The following OLFM2 variants were observed in gnomAD, a reference collection of about 807,000 sequenced individuals.
The protein encoded by OLFM2 is noelin-2.
Under a neutral mutation model 43.9 loss-of-function variants are expected in OLFM2, and 20 were observed. The observed-to-expected ratio is 0.46, with a 90% CI of 0.32 to 0.66. The LOEUF (loss-of-function observed/expected upper bound fraction) is 0.66, where lower values mean the gene tolerates loss of function less well. OLFM2 is among the 30% of genes least tolerant of loss of function. The pLI, the probability that OLFM2 is intolerant of heterozygous loss-of-function variation, is 0.04. For missense variants in OLFM2, 416 were observed against 643.6 expected (o/e 0.65, Z 3.83); for synonymous variants, 268 against 278.6 (o/e 0.96, Z 0.38).
rs1361274164 is a variant in OLFM2, at chr19:9,856,675, A to G, written c.687+132T>C. On this transcript the variant is annotated intron_variant, in intron 5 of 5. Transcript: ENST00000264833. The surrounding 1 kb of genome is among the most constrained non-coding windows in gnomAD (Gnocchi z 4.0). Reference sequence around the variant, plus strand: ...TGGGGGTTACTGGACAGGGAGGTCCAATGGCCCTGGGGGATCCAGGACACT... The same window carrying G: ...TGGGGGTTACTGGACAGGGAGGTCCGATGGCCCTGGGGGATCCAGGACACT... 1.4e-6 allele frequency: 1 copy of G among 712,184 alleles called. No individual in the cohort carries two copies. The highest frequency in any genetic ancestry group is 1.8e-5 in the African/African-American group (1 of 56,606). The allele number at this position is 712,184 out of a possible 1,614,324, so 44.1% of individuals were successfully genotyped here. A position where few individuals can be genotyped will look rare whatever the true frequency, so the allele number is the denominator to read the frequency against.
chr19:9,936,162 C>T, intron 1 of OLFM2, 142 bp downstream of exon 1: 2 of 835,112 alleles, frequency 2.4e-6, no homozygotes, highest in Admixed American at 2.5e-5. Context: ...CCCGGCCCCT[C>T]CCCCGCTGCG....
At position 9,936,429 on chromosome 19, in the gene OLFM2, C is replaced by G. The variant is rs1289462534; in HGVS notation, c.-63G>C. ...CCTAGCGGCGCCTCGGCGCGGGGAC[C>G]GCCACCAGGCGCGACCCCGCCCGCC... On this transcript the variant is annotated 5_prime_UTR_variant, in exon 1 of 6. Transcript: ENST00000264833. 4.5e-6 allele frequency: 5 copies of G among 1,112,858 alleles called. No homozygotes were observed. Among genetic ancestry groups the G allele is most frequent in the Non-Finnish European group, 5.5e-6 (5 of 912,352 alleles). 68.9% of individuals were successfully genotyped at this position (1,112,858 alleles called of 1,614,324 possible). A position where few individuals can be genotyped will look rare whatever the true frequency, so the allele number is the denominator to read the frequency against.
rs147836426 is a variant in OLFM2, at chr19:9,923,086, AC to A, written c.63+13217del. Among the ~76,000 whole-genome samples, 716 of 152,222 alleles carry A rather than the reference AC, an allele frequency of 4.7e-3. 5 individuals are homozygous for A. Among genetic ancestry groups the A allele is most frequent in the African/African-American group, 0.016 (666 of 41,542 alleles). ...GACTGTACAGCAGTTTCTCCCTATGACCCAGCAATTCCACTCCTACATATAT... is the reference window on the plus strand; with the variant it reads ...GACTGTACAGCAGTTTCTCCCTATGACCAGCAATTCCACTCCTACATATAT... On this transcript the variant is annotated intron_variant, in intron 1 of 5. Transcript: ENST00000264833.
chr19:9,907,518 C>T (rs901414784), intron 1 of OLFM2, among the ~76,000 whole-genome samples: 6 of 152,096 alleles, frequency 3.9e-5, no homozygotes, highest in African/African-American at 1.4e-4. Context: ...TCTTGGTCAT[C>T]CTGCCCTCTG....
chr19:9,895,694 G>A (rs546746407), intron 1 of OLFM2, among the ~76,000 whole-genome samples: 1 of 151,960 alleles, frequency 6.6e-6, no homozygotes, highest in Non-Finnish European at 1.5e-5. Flanking sequence ...GGAGTGCAGT[G>A]GTGCCATCTC....
chr19:9,899,726 A>AT (rs1022022127), intron 1 of OLFM2, among the ~76,000 whole-genome samples: 64 of 150,042 alleles, frequency 4.3e-4, no homozygotes, highest in African/African-American at 6.9e-4. Context: ...CAATTTCTGT[A>AT]TTTTTTTTTA....
At chr19:9,917,483 G>A (rs745470846) in intron 1 of OLFM2, among the ~76,000 whole-genome samples, 1 of 152,150 alleles carries the variant, frequency 6.6e-6, no homozygotes, top group African/African-American at 2.4e-5. Flanking sequence ...GAGGGAGATC[G>A]GAGATTGGAG....
chr19:9,878,372 C>CATTT, intron 1 of OLFM2, among the ~76,000 whole-genome samples: 1 of 131,748 alleles, frequency 7.6e-6, no homozygotes. Flanking sequence ...GCCTCAGTTT[C>CATTT]ATTTCTCTCT....
At chr19:9,887,587 G>T (rs1473426404) in intron 1 of OLFM2, among the ~76,000 whole-genome samples, 1 of 152,030 alleles carries the variant, frequency 6.6e-6, no homozygotes, top group South Asian at 2.1e-4. Context: ...TTGCTCACCT[G>T]AACCAGCAGA....
chr19:9,898,998 G>T (rs568654908), intron 1 of OLFM2, among the ~76,000 whole-genome samples: 1 of 152,046 alleles, frequency 6.6e-6, no homozygotes, highest in African/African-American at 2.4e-5. Context: ...TTCTCACTGC[G>T]TTTGGAATAA....
chr19:9,875,528 T>TTG (rs56055555), intron 1 of OLFM2, among the ~76,000 whole-genome samples: 386 of 150,016 alleles, frequency 2.6e-3, no homozygotes, highest in African/African-American at 8.7e-3. Flanking sequence ...TTTTTTTTTT[T>TTG]GAGACAGGCT....
intron 1 of OLFM2, among the ~76,000 whole-genome samples, chr19:9,919,928 G>A (rs2086409534): frequency 6.6e-6 from 1 of 151,038 alleles, no homozygotes; most frequent in African/African-American, 2.4e-5. Context: ...CTGAGTAGCT[G>A]GGATTACAGG....
chr19:9,886,082 G>A (rs1039446790), intron 1 of OLFM2, among the ~76,000 whole-genome samples: 1 of 139,664 alleles, frequency 7.2e-6, no homozygotes, highest in South Asian at 2.4e-4. Context: ...GGGCAACGGA[G>A]CAAGACCCTG....
At chr19:9,859,431 C>T (rs2046349868) in intron 2 of OLFM2, among the ~76,000 whole-genome samples, 1 of 152,154 alleles carries the variant, frequency 6.6e-6, no homozygotes, top group Non-Finnish European at 1.5e-5. Flanking sequence ...GTTCTCCTGC[C>T]TCAGCCTCCC....
At chr19:9,904,182 G>GTGTGTA (rs1555727613) in intron 1 of OLFM2, among the ~76,000 whole-genome samples, 13 of 150,926 alleles carry the variant, frequency 8.6e-5, no homozygotes, top group African/African-American at 3.2e-4. Flanking sequence ...GTGTGTGTGT[G>GTGTGTA]TGTGTGTGTG....
intron 1 of OLFM2, among the ~76,000 whole-genome samples, chr19:9,924,209 G>A (rs564332122): frequency 7.1e-4 from 94 of 133,282 alleles, no homozygotes; most frequent in African/African-American, 3.5e-3. Flanking sequence ...AGGAGATCGA[G>A]ACCATCCTAA....
intron 1 of OLFM2, among the ~76,000 whole-genome samples, chr19:9,905,502 A>G (rs905326157): frequency 7.9e-5 from 12 of 151,318 alleles, no homozygotes; most frequent in African/African-American, 2.9e-4. Flanking sequence ...TTATCCAGGC[A>G]TGGTGGCAGG....
In OLFM2 at chr19:9,854,367, G is replaced by A. The variant is rs2046296046; in HGVS notation, c.1184C>T (p.Ala395Val). Reference protein sequence around the residue: ...SHLAGAKVYFAYFTNTSSYEY... With the variant: ...SHLAGAKVYFVYFTNTSSYEY... ...GTAACTGGACGTGTTGGTAAAATAG[G>A]CGAAGTAGACCTTGGCCCCAGCCAG... The change falls in exon 6 of 6, where the codon GCC becomes GTC. Residue 395 changes from alanine (A) to valine (V), a missense_variant. Transcript: ENST00000264833. The surrounding 1 kb of genome is among the most constrained non-coding windows in gnomAD (Gnocchi z 9.5). 1 of 1,614,216 alleles carries A rather than the reference G, an allele frequency of 6.2e-7. No homozygotes were observed. Among genetic ancestry groups the A allele is most frequent in the African/African-American group, 1.3e-5 (1 of 75,054 alleles).
intron 1 of OLFM2, among the ~76,000 whole-genome samples, chr19:9,924,736 C>T (rs2086442239): frequency 6.6e-6 from 1 of 152,022 alleles, no homozygotes; most frequent in South Asian, 2.1e-4. Context: ...CCCCACGCAC[C>T]GTGCTGAAGT....
Sources: allele counts gnomAD v4.1 joint callset (sites outside exome capture counted in the v4.1 genomes callset), GRCh38; gene constraint gnomAD v4.1.1; non-coding constraint Gnocchi (gnomAD v3.1); transcripts MANE v1.5; gene names NCBI Gene and HGNC (gene_info 2026-07-23, HGNC 2026-07-21).